Variants in PPFIA1 observed in about 807,000 individuals in gnomAD.
PPFIA1 encodes the protein PPFI scaffold protein A1, also known as liprin-alpha-1.
In PPFIA1, 25 loss-of-function variants were observed where a neutral mutation model predicts 149.9. That is an observed-to-expected ratio of 0.17 (90% CI 0.12 to 0.23). The LOEUF (loss-of-function observed/expected upper bound fraction) is 0.23, where lower values mean the gene tolerates loss of function less well. PPFIA1 is among the 10% of genes least tolerant of loss of function. The pLI is 1.00. For synonymous variants in PPFIA1, 549 were observed against 552.8 expected, an observed-to-expected ratio of 0.99 and a Z score of 0.10; for missense variants, 1,362 against 1,506.5, an observed-to-expected ratio of 0.90 and a Z score of 1.59.
In PPFIA1 at chr11:70,378,069, A is replaced by G. The variant is rs772772815; in HGVS notation, c.3424A>G (p.Lys1142Glu). The G allele has an allele frequency of 4.6e-5, 74 of 1,613,906 alleles. No homozygotes were observed. The highest frequency in any genetic ancestry group is 6.1e-5 in the Non-Finnish European group (72 of 1,179,948). Reference sequence around the variant, plus strand: ...CTTTAGGAGAGCACCTTCATGGAGAAAAAAGTTTAGACCAAAGGACATTCG... The same window carrying G: ...CTTTAGGAGAGCACCTTCATGGAGAGAAAAGTTTAGACCAAAGGACATTCG... The part of the protein sequence containing the change: ...KSFRRAPSWR[K>E]KFRPKDIRGL... The change falls in exon 26 of 28, where the codon AAA (lysine) becomes GAA (glutamate). Residue 1142 changes from lysine to glutamate, a missense_variant. This residue lies in a region of PPFIA1 where 349 missense variants were observed against 373.3 expected (regional missense o/e 0.93). Transcript: ENST00000253925.
At position 70,367,304 on chromosome 11, in the gene PPFIA1, T is replaced by C. The variant is rs115882490; in HGVS notation, c.2865+4816T>C. Among the ~76,000 whole-genome samples the C allele has an allele frequency of 2.7e-3, 418 of 152,308 alleles. 3 individuals carry two copies. Among genetic ancestry groups the C allele is most frequent in the African/African-American group, 9.5e-3 (396 of 41,568 alleles). On this transcript the variant is annotated intron_variant, in intron 21 of 27. Transcript: ENST00000253925. Reference sequence around the variant, plus strand: ...CCAAGGGCAGTACACAGTGGCCAGCTCTTAAACCAGGGAGAACTTTGAGCT... The same window carrying C: ...CCAAGGGCAGTACACAGTGGCCAGCCCTTAAACCAGGGAGAACTTTGAGCT...
intron 2 of PPFIA1, among the ~76,000 whole-genome samples, chr11:70,300,117 C>A (rs566682175): frequency 1.8e-4 from 27 of 152,052 alleles, no homozygotes; most frequent in African/African-American, 5.5e-4. Context: ...TCCACCCGCC[C>A]CACAGATCTC....
Position 70,333,471 on chromosome 11 carries a change from C to T in PPFIA1, c.1214C>T (p.Ala405Val), listed in dbSNP as rs758158240. 1 of 1,612,208 alleles carries T rather than the reference C, an allele frequency of 6.2e-7. No homozygotes were observed. The highest frequency in any genetic ancestry group is 8.5e-7 in the Non-Finnish European group (1 of 1,179,202). Residue 405 changes from alanine to valine, a missense_variant and splice_region_variant, in exon 10 of 28, where the codon GCT (alanine) becomes GTT (valine). Ala to Val is a moderately conservative substitution (Grantham distance 64). Around this residue, in one of 7 missense-constraint regions of PPFIA1, gnomAD observed 733 missense variants for 744.1 expected, o/e 0.99. Transcript: ENST00000253925. ...LAQRVAALSK[A>V]EERHGNIEER... ...AGCGTACGCTGTTTCTGCTGACAGG[C>T]TGAAGAGAGACACGGCAACATTGAA...
intron 26 of PPFIA1, chr11:70,381,425 GA>G (rs2057707389): frequency 1.3e-5 from 2 of 152,204 alleles, no homozygotes. Context: ...TGGTCTCTAT[GA>G]TTAATATTTC....
rs1391840808 is a variant in PPFIA1, at chr11:70,270,766, T to G, written c.-149T>G. The G allele has an allele frequency of 2.7e-5, 4 of 149,434 alleles. No homozygotes were observed. Among genetic ancestry groups the G allele is most frequent in the African/African-American group, 9.8e-5 (4 of 40,834 alleles). 9.3% of individuals were successfully genotyped at this position (149,434 alleles called of 1,614,324 possible). A position where few individuals can be genotyped will look rare whatever the true frequency, so the allele number is the denominator to read the frequency against. The stretch of plus-strand genomic sequence containing the variant: ...CCGGCCGCGGGCCGGCCTTAGTGAC[T>G]GGGGCGGCGGGCCCCGGGGCCGCGG... On this transcript the variant is annotated 5_prime_UTR_variant, in exon 1 of 28. Coordinates refer to ENST00000253925, the MANE Select transcript of PPFIA1 (RefSeq NM_003626.5).
intron 21 of PPFIA1, chr11:70,362,735 T>C (rs555243770): frequency 3.8e-5 from 13 of 344,632 alleles, no homozygotes; most frequent in African/African-American, 2.7e-4. Flanking sequence ...ATATGAGCTT[T>C]TTTAAACATA....
At chr11:70,283,603 C>G (rs1257235851) in intron 2 of PPFIA1, among the ~76,000 whole-genome samples, 2 of 152,056 alleles carry the variant, frequency 1.3e-5, no homozygotes, top group Admixed American at 1.3e-4. Flanking sequence ...GCAAGACAGC[C>G]CATTTAGGAG....
chr11:70,352,011 T>C (rs1197741266), intron 16 of PPFIA1, among the ~76,000 whole-genome samples: 8 of 152,212 alleles, frequency 5.3e-5, no homozygotes, highest in African/African-American at 1.9e-4. Context: ...CTCTCCCTCA[T>C]AACTTTCATG....
chr11:70,333,363 G>A, intron 9 of PPFIA1, 107 bp from the exon 10 acceptor site: 4 of 832,314 alleles, frequency 4.8e-6, no homozygotes, highest in Non-Finnish European at 6.1e-6. Flanking sequence ...TAGTATGGCG[G>A]AGCAGCCCAC....
chr11:70,315,690 T>G (rs1387458526), intron 2 of PPFIA1, among the ~76,000 whole-genome samples: 4 of 147,082 alleles, frequency 2.7e-5, no homozygotes, highest in African/African-American at 1.0e-4. Context: ...TTTTTTTTTT[T>G]TTTTTTTTTT....
At chr11:70,274,550 G>T (rs1013896038) in intron 2 of PPFIA1, among the ~76,000 whole-genome samples, 1 of 152,106 alleles carries the variant, frequency 6.6e-6, no homozygotes, top group Non-Finnish European at 1.5e-5. Flanking sequence ...TCATTCTGTC[G>T]TCAGCATCAT....
chr11:70,346,906 T>A (rs1206034087), intron 15 of PPFIA1, among the ~76,000 whole-genome samples: 10 of 152,240 alleles, frequency 6.6e-5, no homozygotes, highest in Non-Finnish European at 1.2e-4. Context: ...CACAGTCAAA[T>A]ATTAAAACTG....
chr11:70,376,497 T>G (rs1197904807), intron 24 of PPFIA1, 35 bp from the exon 25 acceptor site: 1 of 1,568,308 alleles, frequency 6.4e-7, no homozygotes, highest in Admixed American at 1.7e-5. Flanking sequence ...TTAGATTTGA[T>G]GAAAGTTTTA....
chr11:70,332,493 T>C (rs929151584), intron 9 of PPFIA1, among the ~76,000 whole-genome samples: 3 of 152,100 alleles, frequency 2.0e-5, no homozygotes, highest in African/African-American at 7.2e-5. Flanking sequence ...TTTTAAGTAA[T>C]TTTATTATTT....
chr11:70,338,461 A>G lies in PPFIA1; in HGVS notation c.1571+8A>G. ...TGCTTCACTTCATCATGGGTATGGT[A>G]TTAACCAGTGAGCAGCCATATTGTC... On this transcript the variant is annotated splice_region_variant and intron_variant, in intron 13 of 27. Transcript: ENST00000253925. 1.2e-6 allele frequency: 2 copies of G among 1,600,430 alleles called. No homozygotes were observed. Among genetic ancestry groups the G allele is most frequent in the Non-Finnish European group, 8.6e-7 (1 of 1,167,808 alleles).
chr11:70,339,029 G>A (rs1280317164), intron 13 of PPFIA1, 142 bp from the exon 14 acceptor site: 10 of 940,056 alleles, frequency 1.1e-5, no homozygotes, highest in Middle Eastern at 3.4e-4. Context: ...TGTAGCTCTT[G>A]GGGCAGATGA....
intron 15 of PPFIA1, 76 bp from the exon 16 acceptor site, chr11:70,348,113 A>G: frequency 7.9e-7 from 1 of 1,271,512 alleles, no homozygotes; most frequent in Middle Eastern, 1.8e-4. Context: ...ACAGAGTATA[A>G]GCATGGTTTT....
intron 10 of PPFIA1, among the ~76,000 whole-genome samples, chr11:70,334,103 C>G (rs1213464549): frequency 1.3e-5 from 2 of 152,102 alleles, no homozygotes; most frequent in African/African-American, 4.8e-5. Context: ...GCAGTGGAGA[C>G]TTCTGTCCAT....
chr11:70,315,922 T>C (rs1308962476), intron 2 of PPFIA1, among the ~76,000 whole-genome samples: 18 of 152,112 alleles, frequency 1.2e-4, no homozygotes, highest in Non-Finnish European at 2.2e-4. Flanking sequence ...TTCTATTTTC[T>C]ATCTCTATGA....
Sources: allele counts gnomAD v4.1 joint callset (sites outside exome capture counted in the v4.1 genomes callset), GRCh38; gene constraint gnomAD v4.1.1; regional missense constraint gnomAD v4.1.1; transcripts MANE v1.5; gene names NCBI Gene and HGNC (gene_info 2026-07-23, HGNC 2026-07-21).